RGS6: variants seen among roughly 807,000 people sequenced by gnomAD.
The protein encoded by RGS6 is regulator of G protein signaling 6.
Under a neutral mutation model 78.5 loss-of-function variants are expected in RGS6, and 30 were observed. The observed-to-expected ratio is 0.38, with a 90% CI of 0.29 to 0.52. The LOEUF (loss-of-function observed/expected upper bound fraction) is 0.52. Ranked by LOEUF, RGS6 falls within the 20% of genes least tolerant of loss-of-function variation. The pLI is 0.85. For synonymous variants in RGS6, 206 were observed against 206.0 expected (o/e 1.00, Z 0.00); for missense variants, 495 against 609.7 (o/e 0.81, Z 1.98).
intron 2 of RGS6, among the ~76,000 whole-genome samples, chr14:72,256,580 G>A (rs368804828): frequency 7.9e-5 from 12 of 152,186 alleles, no homozygotes; most frequent in East Asian, 1.9e-4. Flanking sequence ...TAACCTTGTC[G>A]CTTTTCATTA....
At chr14:72,515,775 C>T (rs1211832046) in intron 14 of RGS6, 1 of 152,300 alleles carries the variant, frequency 6.6e-6, no homozygotes, top group Non-Finnish European at 1.5e-5. Flanking sequence ...AAAAAGGACC[C>T]TGAGCCCTCA....
intron 12 of RGS6, among the ~76,000 whole-genome samples, chr14:72,486,760 C>A (rs1412377594): frequency 6.6e-6 from 1 of 152,194 alleles, no homozygotes; most frequent in Non-Finnish European, 1.5e-5. Flanking sequence ...TGTGTCCCAC[C>A]TTGGAAGCTC....
At chr14:72,304,971 A>G (rs748180349) in intron 2 of RGS6, among the ~76,000 whole-genome samples, 53 of 152,202 alleles carry the variant, frequency 3.5e-4, no homozygotes, top group Non-Finnish European at 6.0e-4. Context: ...TGGACAGTCT[A>G]TTTCCCCACA....
the RGS6 span, among the ~76,000 whole-genome samples, chr14:71,926,714 A>T: frequency 6.6e-6 from 1 of 152,136 alleles, no homozygotes; most frequent in Non-Finnish European, 1.5e-5. Context: ...ATTAATTAGA[A>T]TATAGTTCTC....
chr14:71,951,670 T>A (rs990823271), intron 1 of RGS6, among the ~76,000 whole-genome samples: 1 of 152,192 alleles, frequency 6.6e-6, no homozygotes, highest in Admixed American at 6.5e-5. Flanking sequence ...TTGCATTAAA[T>A]CTCTAGCCTA....
At chr14:72,355,877 G>A (rs1169915098) in intron 3 of RGS6, among the ~76,000 whole-genome samples, 1 of 152,154 alleles carries the variant, frequency 6.6e-6, no homozygotes, top group Admixed American at 6.5e-5. Context: ...GAGAGTTCCT[G>A]GAACATTGAG....
intron 2 of RGS6, among the ~76,000 whole-genome samples, chr14:71,991,620 A>G (rs1332883176): frequency 6.6e-6 from 1 of 152,156 alleles, no homozygotes; most frequent in Non-Finnish European, 1.5e-5. Flanking sequence ...ACATGTAACA[A>G]CCCCCTGCTC....
chr14:71,998,134 G>A (rs749661583), intron 2 of RGS6, among the ~76,000 whole-genome samples: 18 of 152,158 alleles, frequency 1.2e-4, no homozygotes, highest in African/African-American at 1.7e-4. Context: ...AAGGTGGGAC[G>A]ACTGGAAGCA....
chr14:71,878,535 G>A, the RGS6 span, among the ~76,000 whole-genome samples: 1 of 152,344 alleles, frequency 6.6e-6, no homozygotes, highest in African/African-American at 2.4e-5. Flanking sequence ...CGTTGGAAAA[G>A]CGCAGTATTA....
At chr14:71,964,112 A>G (rs570496456) in intron 1 of RGS6, among the ~76,000 whole-genome samples, 1 of 152,294 alleles carries the variant, frequency 6.6e-6, no homozygotes, top group East Asian at 1.9e-4. Context: ...TCCCTAATAA[A>G]ATATTCATAT....
At chr14:72,155,759 A>G (rs1352273243) in intron 2 of RGS6, among the ~76,000 whole-genome samples, 1 of 152,214 alleles carries the variant, frequency 6.6e-6, no homozygotes, top group Non-Finnish European at 1.5e-5. Context: ...TCCCCTTCTA[A>G]TATCAGCTGT....
At chr14:72,266,755 G>T (rs1259415603) in intron 2 of RGS6, among the ~76,000 whole-genome samples, 1 of 152,118 alleles carries the variant, frequency 6.6e-6, no homozygotes, top group Non-Finnish European at 1.5e-5. Context: ...TCTTCCTAGG[G>T]GTGTCAGGTT....
intron 3 of RGS6, among the ~76,000 whole-genome samples, chr14:72,443,686 C>T (rs1327790898): frequency 6.6e-6 from 1 of 152,204 alleles, no homozygotes; most frequent in African/African-American, 2.4e-5. Context: ...GGTAATAAAA[C>T]CCCCAAGCCT....
intron 2 of RGS6, among the ~76,000 whole-genome samples, chr14:72,018,915 A>G (rs1396494558): frequency 6.6e-6 from 1 of 152,152 alleles, no homozygotes; most frequent in Non-Finnish European, 1.5e-5. Flanking sequence ...TTAAAAATAT[A>G]TATAATATTT....
intron 2 of RGS6, among the ~76,000 whole-genome samples, chr14:72,128,353 A>G (rs992351397): frequency 2.6e-5 from 4 of 152,192 alleles, no homozygotes; most frequent in African/African-American, 9.6e-5. Context: ...TAAATAATCA[A>G]ACTTAAGTAA....
the RGS6 span, among the ~76,000 whole-genome samples, chr14:71,909,320 T>C: frequency 6.6e-6 from 1 of 152,302 alleles, no homozygotes; most frequent in South Asian, 2.1e-4. Flanking sequence ...AAGAACCTGC[T>C]CTTGGGGTCT....
the RGS6 span, among the ~76,000 whole-genome samples, chr14:72,611,861 G>A: frequency 2.0e-5 from 3 of 152,140 alleles, no homozygotes; most frequent in African/African-American, 7.2e-5. Flanking sequence ...TGAGGAACAC[G>A]CATCCTCAAC....
At chr14:72,093,722 G>T (rs546518156) in intron 2 of RGS6, among the ~76,000 whole-genome samples, 29 of 152,026 alleles carry the variant, frequency 1.9e-4, no homozygotes, top group South Asian at 1.2e-3. Context: ...CCTTTCTGTT[G>T]CTGTCATGGT....
At chr14:71,905,523 C>T in the RGS6 span, among the ~76,000 whole-genome samples, 10 of 152,262 alleles carry the variant, frequency 6.6e-5, no homozygotes, top group African/African-American at 2.4e-4. Context: ...CAGAGTCTCA[C>T]TCTGTCACTC....
Sources: allele counts gnomAD v4.1 joint callset (sites outside exome capture counted in the v4.1 genomes callset), GRCh38; gene constraint gnomAD v4.1.1; transcripts MANE v1.5; gene names NCBI Gene and HGNC (gene_info 2026-07-23, HGNC 2026-07-21).